Variants in PARD3B observed in about 807,000 individuals in gnomAD.
PARD3B encodes par-3 family cell polarity regulator beta, also known as partitioning defective 3 homolog B.
A neutral mutation model predicts 130.2 loss-of-function variants in PARD3B; 103 were observed. That is an observed-to-expected ratio of 0.79 (90% CI 0.67 to 0.93). The LOEUF (loss-of-function observed/expected upper bound fraction) is 0.93, where lower values mean the gene tolerates loss of function less well. Among genes scored for constraint, PARD3B ranks in the 40% least tolerant of loss-of-function variants. The pLI is 0.00. For missense variants in PARD3B, 1,609 were observed against 1,499.2 expected (o/e 1.07, Z -1.21); for synonymous variants, 583 against 553.2 (o/e 1.05, Z -0.76).
At chr2:204,866,711 A>G (rs899380253) in intron 2 of PARD3B, among the ~76,000 whole-genome samples, 7 of 151,992 alleles carry the variant, frequency 4.6e-5, no homozygotes, top group Non-Finnish European at 4.4e-5. Flanking sequence ...TTATGTATGT[A>G]TATGTGTGTG....
At chr2:205,609,762 AC>A (rs901977943) in intron 22 of PARD3B, among the ~76,000 whole-genome samples, 3 of 151,852 alleles carry the variant, frequency 2.0e-5, no homozygotes, top group Admixed American at 2.0e-4. Context: ...TACTAAACTC[AC>A]CCCCTTTCAA....
At chr2:205,215,674 G>C (rs1207235226) in intron 15 of PARD3B, among the ~76,000 whole-genome samples, 1 of 152,012 alleles carries the variant, frequency 6.6e-6, no homozygotes, top group Non-Finnish European at 1.5e-5. Context: ...GAACATGCTT[G>C]TTGGCCATTT....
chr2:205,600,141 A>G (rs925461954), intron 22 of PARD3B, among the ~76,000 whole-genome samples: 1 of 152,200 alleles, frequency 6.6e-6, no homozygotes, highest in Non-Finnish European at 1.5e-5. Flanking sequence ...TCCATTGGAA[A>G]AGGGATTTGA....
chr2:204,763,569 A>G (rs1243014552), intron 2 of PARD3B, among the ~76,000 whole-genome samples: 1 of 152,214 alleles, frequency 6.6e-6, no homozygotes, highest in Non-Finnish European at 1.5e-5. Context: ...TTTATAAAAG[A>G]TTATAGCACT....
chr2:204,870,648 G>A (rs2045596746), intron 2 of PARD3B, among the ~76,000 whole-genome samples: 1 of 152,140 alleles, frequency 6.6e-6, no homozygotes, highest in African/African-American at 2.4e-5. Context: ...TGCAAGAAGA[G>A]CAAATAATTA....
intron 4 of PARD3B, among the ~76,000 whole-genome samples, chr2:205,049,705 T>C (rs1050723412): frequency 1.3e-5 from 2 of 152,044 alleles, no homozygotes; most frequent in Admixed American, 6.6e-5. Flanking sequence ...CAAGTTGGGG[T>C]ATGGGGCAGA....
chr2:204,859,597 C>T (rs1314641127), intron 2 of PARD3B, among the ~76,000 whole-genome samples: 1 of 152,176 alleles, frequency 6.6e-6, no homozygotes, highest in Non-Finnish European at 1.5e-5. Flanking sequence ...TGATTCCTGA[C>T]ATTCAGTTGA....
intron 22 of PARD3B, among the ~76,000 whole-genome samples, chr2:205,576,619 A>T (rs1294794344): frequency 1.3e-5 from 2 of 152,138 alleles, no homozygotes; most frequent in Non-Finnish European, 2.9e-5. Flanking sequence ...AAATGGGTCT[A>T]CTTCCGGACT....
At chr2:204,850,498 A>G (rs181488844) in intron 2 of PARD3B, among the ~76,000 whole-genome samples, 15 of 151,998 alleles carry the variant, frequency 9.9e-5, no homozygotes, top group Admixed American at 9.2e-4. Context: ...ATATAGATAT[A>G]TGTATATATA....
intron 1 of PARD3B, among the ~76,000 whole-genome samples, chr2:204,652,731 T>TAGGAAG (rs1363922900): frequency 1.6e-4 from 25 of 151,736 alleles, no homozygotes; most frequent in African/African-American, 5.6e-4. Context: ...GACTGGGTAA[T>TAGGAAG]TTATGAGCAA....
At chr2:205,549,633 G>C (rs1041881855) in intron 21 of PARD3B, among the ~76,000 whole-genome samples, 7 of 152,174 alleles carry the variant, frequency 4.6e-5, no homozygotes, top group African/African-American at 1.7e-4. Flanking sequence ...CTGGGGGAAG[G>C]AGTGATGAAT....
intron 18 of PARD3B, among the ~76,000 whole-genome samples, chr2:205,392,826 G>A (rs1488695334): frequency 6.6e-6 from 1 of 152,232 alleles, no homozygotes; most frequent in African/African-American, 2.4e-5. Context: ...AGCCAAGGCA[G>A]TGTGGGGGAC....
At chr2:205,436,515 AC>A (rs1388988628) in intron 19 of PARD3B, among the ~76,000 whole-genome samples, 1 of 152,020 alleles carries the variant, frequency 6.6e-6, no homozygotes, top group Admixed American at 6.6e-5. Context: ...ATAAGCTCTA[AC>A]ATTTTCTTTT....
At chr2:205,376,795 C>T (rs961425604) in intron 18 of PARD3B, among the ~76,000 whole-genome samples, 1 of 152,078 alleles carries the variant, frequency 6.6e-6, no homozygotes, top group Non-Finnish European at 1.5e-5. Context: ...GTGGCTACAG[C>T]ATTATGGGTG....
chr2:204,658,202 T>TA (rs779265493), intron 1 of PARD3B, among the ~76,000 whole-genome samples: 37 of 151,054 alleles, frequency 2.4e-4, no homozygotes, highest in South Asian at 6.3e-4. Context: ...GACTAAAAGT[T>TA]AAAAAAAAAA....
At position 205,252,839 on chromosome 2, in the gene PARD3B, C is replaced by CCT. The variant is rs1491407639; in HGVS notation, c.2185+7018_2185+7019insTC. Among the ~76,000 whole-genome samples, 13 of 16,218 alleles carry CCT rather than the reference C, an allele frequency of 8.0e-4. 1 individual carries two copies. Among genetic ancestry groups the CCT allele is most frequent in the Non-Finnish European group, 2.2e-3 (12 of 5,346 alleles). 10.6% of individuals were successfully genotyped at this position (16,218 alleles called of 152,430 possible). On this transcript the variant is annotated intron_variant, in intron 16 of 22. Coordinates refer to ENST00000406610, the MANE Select transcript of PARD3B (RefSeq NM_001302769.2). ...TTTTGGTTGTAGGAACCTGAAGGGA[C>CCT]CCCCCCCCCCCACCAAAAAAAAAAA...
intron 10 of PARD3B, among the ~76,000 whole-genome samples, chr2:205,144,934 C>A (rs765653224): frequency 1.8e-4 from 28 of 152,118 alleles, no homozygotes; most frequent in Non-Finnish European, 3.2e-4. Context: ...CGCTCATGCC[C>A]CTACAAAAAT....
chr2:204,905,704 A>G (rs909452200), intron 2 of PARD3B, among the ~76,000 whole-genome samples: 2 of 152,200 alleles, frequency 1.3e-5, no homozygotes, highest in Non-Finnish European at 1.5e-5. Context: ...ATATTGGTAG[A>G]CAAAGTGAAC....
chr2:205,270,151 T>A (rs749509430), intron 16 of PARD3B, among the ~76,000 whole-genome samples: 36 of 152,290 alleles, frequency 2.4e-4, no homozygotes, highest in South Asian at 1.0e-3. Context: ...TTAAAAATTT[T>A]AAAAAAATTT....
Sources: gnomAD v4.1 joint callset for allele counts (sites outside exome capture counted in the v4.1 genomes callset) on GRCh38, gnomAD v4.1.1 for gene constraint, MANE v1.5 for transcripts, NCBI Gene and HGNC (gene_info 2026-07-23, HGNC 2026-07-21) for gene names.